TREM2: variants seen among roughly 807,000 people sequenced by gnomAD.
TREM2 encodes the protein triggering receptor expressed on monocytes 2.
In TREM2, 20 loss-of-function variants were observed where a neutral mutation model predicts 22.9. The ratio of observed to expected loss-of-function variants is 0.87; its 90% confidence interval spans 0.61 to 1.27. The LOEUF is 1.27. Ranked by LOEUF, TREM2 falls within the 50% of genes most tolerant of loss-of-function variation. The pLI is 0.00. For synonymous variants in TREM2, 111 were observed against 120.9 expected, an observed-to-expected ratio of 0.92 and a Z score of 0.54; for missense variants, 267 against 289.0, an observed-to-expected ratio of 0.92 and a Z score of 0.55.
In TREM2 at chr6:41,159,045, G is replaced by T. The variant is rs1423781551; in HGVS notation, c.504C>A (p.Ile168=). Residue 168 remains isoleucine, a synonymous_variant, in exon 4 of 5, where the codon ATC becomes ATA. Transcript: ENST00000373113. ...GAAGGATGGAAGTGGGTGGGAAGGG[G>T]ATTTCTCCTTCCAAGAGGCTCCTTG... ...SISRSLLEGE[I]PFPPTSILLL... The T allele has an allele frequency of 1.2e-6, 2 of 1,613,590 alleles. No individual in the cohort carries two copies. The highest frequency in any genetic ancestry group is 1.7e-6 in the Non-Finnish European group (2 of 1,179,832).
intron 2 of TREM2, among the ~76,000 whole-genome samples, chr6:41,160,379 C>G (rs1454120720): frequency 1.3e-5 from 2 of 152,058 alleles, no homozygotes; most frequent in Non-Finnish European, 2.9e-5. Flanking sequence ...CCAAGTCAGG[C>G]AAATACTACT....
Position 41,161,632 on chromosome 6 carries a change from T to C in TREM2, c.41-19A>G. The C allele has an allele frequency of 1.3e-6, 2 of 1,597,352 alleles. No individual in the cohort carries two copies. The highest frequency in any genetic ancestry group is 1.7e-6 in the Non-Finnish European group (2 of 1,168,392). On this transcript the variant is annotated intron_variant, in intron 1 of 4. Transcript: ENST00000373113. ...GACAGCTCTGGGGAGGAGACATTCA[T>C]TCACTCCTTTGTTTACCAAATACGC... is the stretch of plus-strand genomic sequence containing the variant.
rs1485008142 is a variant in TREM2, at chr6:41,158,877, C to T, written c.672G>A (p.Leu224=). ...GHDPGYQLQT[L]PGLRDT ...GGCTGTGCTCTCCAAGCCCACCTGG[C>T]AGAGTTTGGAGCTGATACCCTGGGT... Residue 224 remains leucine (L), a synonymous_variant, in exon 4 of 5, where the codon CTG becomes CTA. Transcript: ENST00000373113. 6 of 1,614,238 alleles carry T rather than the reference C, an allele frequency of 3.7e-6. No individual in the cohort carries two copies. The highest frequency in any genetic ancestry group is 2.2e-5 in the East Asian group (1 of 44,886).
chr6:41,159,958 T>C, intron 2 of TREM2, 76 bp from the exon 3 acceptor site: 1 of 1,269,518 alleles, frequency 7.9e-7, no homozygotes, highest in South Asian at 1.2e-5. Flanking sequence ...GGAGAACCTT[T>C]ATGGGTGGGG....
intron 1 of TREM2, among the ~76,000 whole-genome samples, chr6:41,162,013 C>T (rs990528864): frequency 9.9e-5 from 15 of 152,216 alleles, no homozygotes; most frequent in African/African-American, 2.4e-4. Flanking sequence ...ACATTGGTAC[C>T]GACTTTCCTG....
Position 41,158,991 on chromosome 6 carries a change from C to T in TREM2, c.558G>A (p.Lys186=). 2 of 1,614,178 alleles carry T rather than the reference C, an allele frequency of 1.2e-6. No homozygotes were observed. The highest frequency in any genetic ancestry group is 1.7e-6 in the Non-Finnish European group (2 of 1,180,026). ...LLLLACIFLI[K]ILAASALWAA... is the part of the protein sequence containing the mutation. The stretch of plus-strand genomic sequence containing the variant: ...CCCAGAGGGCGCTGGCTGCTAGAAT[C>T]TTGATGAGAAAGATGCAGGCCAGGA... The change falls in exon 4 of 5, where the codon AAG becomes AAA. Residue 186 remains lysine (K), a synonymous_variant. Transcript: ENST00000373113.
chr6:41,159,187 C>G, intron 3 of TREM2, 121 bp from the exon 4 acceptor site: 2 of 1,269,216 alleles, frequency 1.6e-6, no homozygotes, highest in Non-Finnish European at 2.2e-6. Context: ...CCAGCACCAT[C>G]CCTGGGATGG....
At chr6:41,159,092 G>C in intron 3 of TREM2, 26 bp from the exon 4 acceptor site, 2 of 1,600,262 alleles carry the variant, frequency 1.2e-6, no homozygotes, top group South Asian at 2.2e-5. Context: ...AGGCAGATGG[G>C]AGCCTTGAGA....
chr6:41,162,232 A>G (rs1042495662), intron 1 of TREM2, among the ~76,000 whole-genome samples: 1 of 152,314 alleles, frequency 6.6e-6, no homozygotes, highest in African/African-American at 2.4e-5. Context: ...CTTGCCTGCC[A>G]TCTTCAACCA....
rs375545806 is a variant in TREM2, at chr6:41,159,780, C to A, written c.482+12G>T. 34 of 1,613,362 alleles carry A rather than the reference C, an allele frequency of 2.1e-5. No individual in the cohort carries two copies. The highest frequency in any genetic ancestry group is 3.3e-5 in the Admixed American group (2 of 59,996). ...TCTGCCCACGGGTTTTAGGAAAGAC[C>A]CATCGCTGTACCTGGAGATGCTGTG... On this transcript the variant is annotated intron_variant, in intron 3 of 4. Transcript: ENST00000373113.
In TREM2 at chr6:41,158,524, A is replaced by C; in HGVS notation, c.*240T>G. The C allele has an allele frequency of 3.6e-6, 5 of 1,379,914 alleles. No individual in the cohort carries two copies. Among genetic ancestry groups the C allele is most frequent in the Middle Eastern group, 2.0e-4 (1 of 4,900 alleles). The allele number at this position is 1,379,914 out of a possible 1,614,324, so 85.5% of individuals were successfully genotyped here. On this transcript the variant is annotated 3_prime_UTR_variant, in exon 5 of 5. Coordinates refer to ENST00000373113, the MANE Select transcript of TREM2 (RefSeq NM_018965.4). ...CCAAAACTATCCAGCTAAATATGACAGTCTTGGATTTATTTGTAAGTGTTT... is the reference window on the plus strand; with the variant it reads ...CCAAAACTATCCAGCTAAATATGACCGTCTTGGATTTATTTGTAAGTGTTT...
chr6:41,159,695 T>C, intron 3 of TREM2, 97 bp downstream of exon 3: 1 of 1,088,212 alleles, frequency 9.2e-7, no homozygotes, highest in South Asian at 1.3e-5. Flanking sequence ...TCTAGTTGCC[T>C]TGTAATTTGT....
intron 2 of TREM2, 29 bp from the exon 3 acceptor site, chr6:41,159,911 G>C: frequency 6.3e-7 from 1 of 1,595,208 alleles, no homozygotes; most frequent in Non-Finnish European, 8.6e-7. Flanking sequence ...TGAGCCTCCA[G>C]CCCCTTCCTC....
intron 2 of TREM2, 111 bp downstream of exon 2, chr6:41,161,152 A>T (rs761999249): frequency 1.5e-4 from 146 of 989,460 alleles, no homozygotes; most frequent in South Asian, 1.3e-3. Context: ...AGACCATACG[A>T]TGGGTTTTCC....
chr6:41,161,750 A>C, intron 1 of TREM2, 137 bp from the exon 2 acceptor site: 1 of 754,852 alleles, frequency 1.3e-6, no homozygotes, highest in Non-Finnish European at 2.2e-6. Context: ...CGGATGGCAC[A>C]GCATGTGTTT....
In TREM2 at chr6:41,158,780, C is replaced by T. The variant is rs748227970; in HGVS notation, c.677G>A (p.Gly226Glu). The T allele has an allele frequency of 8.7e-6, 14 of 1,614,216 alleles. No homozygotes were observed. Among genetic ancestry groups the T allele is most frequent in the Non-Finnish European group, 1.2e-5 (14 of 1,180,048 alleles). The change falls in exon 5 of 5, where the codon GGG becomes GAG. Residue 226 changes from glycine (G) to glutamate (E), a missense_variant and splice_region_variant. By Grantham distance (98) the Gly-to-Glu change is moderately conservative. Transcript: ENST00000373113. ...CATCTTCCTTCACGTGTCTCTCAGC[C>T]CTGCAATAGTCCAAGGACTCATGTG... ...DPGYQLQTLP[G>E]LRDT
intron 3 of TREM2, 130 bp from the exon 4 acceptor site, chr6:41,159,196 G>A: frequency 8.8e-7 from 1 of 1,139,286 alleles, no homozygotes; most frequent in Non-Finnish European, 1.3e-6. Context: ...TCCCTGGGAT[G>A]GGCCTTTTTG....
chr6:41,158,908 CCACAGT>C lies in TREM2; in HGVS notation c.635_640del (p.Asp212_Cys213del). On this transcript the variant is annotated inframe_deletion, in exon 4 of 5. Transcript: ENST00000373113. ...TTGGAGCTGATACCCTGGGTCATGG[CCACAGT>C]CCAGTTCACTGGGTGGATGTGTCCC... 1 of 1,614,206 alleles carries C rather than the reference CCACAGT, an allele frequency of 6.2e-7. No individual in the cohort carries two copies. Among genetic ancestry groups the C allele is most frequent in the Non-Finnish European group, 8.5e-7 (1 of 1,180,042 alleles).
chr6:41,159,690 T>C, intron 3 of TREM2, 102 bp downstream of exon 3: 1 of 1,017,394 alleles, frequency 9.8e-7, no homozygotes, highest in Non-Finnish European at 1.5e-6. Flanking sequence ...CAGGCTCTAG[T>C]TGCCTTGTAA....
Sources: gnomAD v4.1 joint callset for allele counts (sites outside exome capture counted in the v4.1 genomes callset) on GRCh38, gnomAD v4.1.1 for gene constraint, MANE v1.5 for transcripts, NCBI Gene and HGNC (gene_info 2026-07-23, HGNC 2026-07-21) for gene names.